Variants in KIF4A observed in about 807,000 individuals in gnomAD.
KIF4A encodes the protein chromosome-associated kinesin KIF4A.
KIF4A carries 7 observed loss-of-function variants against 105.9 expected under a neutral mutation model. The ratio of observed to expected loss-of-function variants is 0.07; its 90% CI spans 0.04 to 0.12. The LOEUF (loss-of-function observed/expected upper bound fraction) is 0.12, where lower values mean the gene tolerates loss of function less well. Ranked by LOEUF, KIF4A falls within the 10% of genes least tolerant of loss-of-function variation. The probability of loss-of-function intolerance (pLI) is 1.00; values close to 1 mark genes in which losing one functional copy is unlikely to be tolerated. For synonymous variants in KIF4A, 281 were observed against 331.3 expected, an observed-to-expected ratio of 0.85 and a Z score of 1.65; for missense variants, 558 against 929.2, an observed-to-expected ratio of 0.60 and a Z score of 5.19.
chrX:70,297,763 C>T (rs183832520), intron 4 of KIF4A, among the ~76,000 whole-genome samples: 43 of 111,630 alleles, frequency 3.9e-4, no homozygotes, highest in African/African-American at 1.2e-3. Context: ...CCAATTGTAT[C>T]TAACTTCATA....
chrX:70,357,986 C>T (rs1408801700), intron 15 of KIF4A, among the ~76,000 whole-genome samples: 2 of 111,339 alleles, frequency 1.8e-5, no homozygotes, highest in Admixed American at 9.5e-5. Context: ...TCACAGCTCA[C>T]TGCAGCCTCA....
rs763436401 is a variant in KIF4A, at chrX:70,408,526, C to T, written c.3255+1451C>T. On this transcript the variant is annotated intron_variant, in intron 28 of 30. Transcript: ENST00000374403. ...CCAACTGTGCCCTGCAGCCACATTC[C>T]ACTTAAAGAGAACAGTTCACAAGTT... Among the ~76,000 whole-genome samples the T allele has an allele frequency of 6.3e-5, 7 of 111,917 alleles. No homozygotes were observed. In the South Asian group the frequency reaches 1.1e-3, roughly 18 times the overall value.
intron 1 of KIF4A, 66 bp from the exon 2 acceptor site, chrX:70,290,366 CGGGGAG>C: frequency 1.8e-6 from 2 of 1,112,444 alleles, no homozygotes; most frequent in Non-Finnish European, 2.4e-6. Flanking sequence ...GGGTCGGAAC[CGGGGAG>C]GACGCCCTCC....
At chrX:70,418,031 C>T (rs11798740) in intron 29 of KIF4A, 27 bp downstream of exon 29, 1 of 1,140,761 alleles carries the variant, frequency 8.8e-7, no homozygotes, top group African/African-American at 1.8e-5. Context: ...TTCCTCTCCC[C>T]TTCCCTTCAG....
chrX:70,320,249 C>T (rs1313730213), intron 7 of KIF4A, among the ~76,000 whole-genome samples: 1 of 111,827 alleles, frequency 8.9e-6, no homozygotes. Flanking sequence ...TCTACAAAGT[C>T]CATGCCCTCA....
At chrX:70,338,504 C>T (rs1054514667) in intron 10 of KIF4A, among the ~76,000 whole-genome samples, 17 of 112,011 alleles carry the variant, frequency 1.5e-4, no homozygotes, top group African/African-American at 5.5e-4. Context: ...CGTAATAGTA[C>T]TCCATTGTCT....
chrX:70,382,762 G>A (rs1241879745), intron 18 of KIF4A, among the ~76,000 whole-genome samples: 1 of 107,148 alleles, frequency 9.3e-6, no homozygotes, highest in African/African-American at 3.4e-5. Context: ...ACCCCACCCT[G>A]GGCAACATAG....
intron 9 of KIF4A, among the ~76,000 whole-genome samples, chrX:70,333,263 T>C (rs1044404435): frequency 9.8e-5 from 10 of 101,930 alleles, no homozygotes; most frequent in African/African-American, 3.7e-4. Flanking sequence ...CACTTGAACC[T>C]GGGAGGCAGA....
intron 22 of KIF4A, among the ~76,000 whole-genome samples, chrX:70,400,554 C>T (rs1441245385): frequency 9.0e-6 from 1 of 111,455 alleles, no homozygotes; most frequent in Admixed American, 9.6e-5. Flanking sequence ...TCTGCATATT[C>T]ATGTGAGGCC....
intron 22 of KIF4A, among the ~76,000 whole-genome samples, chrX:70,401,079 ATTT>A (rs1271801890): frequency 2.7e-5 from 2 of 74,054 alleles, no homozygotes; most frequent in Admixed American, 1.6e-4. Context: ...TAGGTTTATG[ATTT>A]TTTTTTTTTT....
In KIF4A at chrX:70,404,660, TTC is replaced by T. The variant is rs1290535840; in HGVS notation, c.2791-53_2791-52del. The T allele has an allele frequency of 4.6e-6, 4 of 878,001 alleles. No individual in the cohort carries two copies. The African/African-American group carries it at 7.8e-5, about 17-fold the overall frequency. The allele number at this position is 878,001 out of a possible 1,213,427, so 72.4% of individuals were successfully genotyped here. On this transcript the variant is annotated intron_variant, in intron 24 of 30. Coordinates refer to ENST00000374403, the MANE Select transcript of KIF4A (RefSeq NM_012310.5). ...ATCACTGCTTGAACTAAGTCAAAATTTCTTTTTCCCCTTGGTACCTTTGTTAC... is the reference window on the plus strand; with the variant it reads ...ATCACTGCTTGAACTAAGTCAAAATTTTTTTCCCCTTGGTACCTTTGTTAC...
chrX:70,403,823 G>C, intron 23 of KIF4A, 41 bp from the exon 24 acceptor site: 1 of 1,113,528 alleles, frequency 9.0e-7, no homozygotes, highest in Non-Finnish European at 1.2e-6. Flanking sequence ...AAGAAAGGTG[G>C]TCATTCTTCA....
chrX:70,352,974 G>GA (rs1419651462), intron 14 of KIF4A, among the ~76,000 whole-genome samples: 1 of 111,487 alleles, frequency 9.0e-6, no homozygotes, highest in Non-Finnish European at 1.9e-5. Context: ...ATGAGGAGAG[G>GA]AAAAAATGAG....
Position 70,310,348 on chromosome X carries a change from T to TGC in KIF4A, c.778+7951_778+7952dup, listed in dbSNP as rs112267902. ...GTGTGTGTGTGTGTGTGTGTGTGTGTGCCTGGATTCTTTTGCTCAACATAG... is the reference window on the plus strand; with the variant it reads ...GTGTGTGTGTGTGTGTGTGTGTGTGTGCGCCTGGATTCTTTTGCTCAACATAG... On this transcript the variant is annotated intron_variant, in intron 7 of 30. Transcript: ENST00000374403. Among the ~76,000 whole-genome samples, 220 of 107,547 alleles carry TGC rather than the reference T, an allele frequency of 2.0e-3. 2 individuals carry two copies. The highest frequency in any genetic ancestry group is 6.9e-3 in the African/African-American group (197 of 28,750). The allele number at this position is 107,547 out of a possible 115,157, so 93.4% of individuals were successfully genotyped here.
At chrX:70,328,736 T>G (rs1234596266) in intron 7 of KIF4A, among the ~76,000 whole-genome samples, 1 of 111,921 alleles carries the variant, frequency 8.9e-6, no homozygotes, top group Non-Finnish European at 1.9e-5. Context: ...ACTATATAGC[T>G]TTTCCACAGT....
At chrX:70,300,065 A>G (rs2085798813) in intron 5 of KIF4A, among the ~76,000 whole-genome samples, 2 of 111,544 alleles carry the variant, frequency 1.8e-5, no homozygotes, top group African/African-American at 6.5e-5. Flanking sequence ...AACTTGGAAT[A>G]ATATCTTACT....
At position 70,352,670 on chromosome X, in the gene KIF4A, C is replaced by A; in HGVS notation, c.1488+14C>A. 8.7e-7 allele frequency: 1 copy of A among 1,144,569 alleles called. No individual in the cohort carries two copies. Among genetic ancestry groups the A allele is most frequent in the East Asian group, 3.0e-5 (1 of 33,236 alleles). The allele number at this position is 1,144,569 out of a possible 1,213,427, so 94.3% of individuals were successfully genotyped here. A position where few individuals can be genotyped will look rare whatever the true frequency, so the allele number is the denominator to read the frequency against. Reference sequence around the variant, plus strand: ...GAGCAAGAAGCCGTAAGTAATTGGCCCCTTTGTGTAGAACCAGGAGCTCTA... The same window carrying A: ...GAGCAAGAAGCCGTAAGTAATTGGCACCTTTGTGTAGAACCAGGAGCTCTA... On this transcript the variant is annotated intron_variant, in intron 14 of 30. Transcript: ENST00000374403.
In KIF4A at chrX:70,405,918, C is replaced by T; in HGVS notation, c.2976+13C>T. ...AATCATCAAGCAGGTAATACAGTTT[C>T]CCACCCACTTGATAAGCCCTAAGAG... On this transcript the variant is annotated intron_variant, in intron 26 of 30. Coordinates refer to ENST00000374403, the MANE Select transcript of KIF4A (RefSeq NM_012310.5). 8.4e-7 allele frequency: 1 copy of T among 1,183,769 alleles called. No homozygotes were observed. Among genetic ancestry groups the T allele is most frequent in the Non-Finnish European group, 1.1e-6 (1 of 870,239 alleles).
Position 70,352,656 on chromosome X carries a change from C to T in KIF4A, c.1488C>T (p.Ala496=), listed in dbSNP as rs139233441. The T allele has an allele frequency of 1.4e-4, 159 of 1,176,985 alleles. No individual in the cohort carries two copies. Among genetic ancestry groups the T allele is most frequent in the African/African-American group, 1.2e-4 (7 of 56,903 alleles). The change falls in exon 14 of 31, where the codon GCC becomes GCT. Residue 496 remains alanine, a splice_region_variant and synonymous_variant. Transcript: ENST00000374403. ...TTGATACTGCGGTGGAGCAAGAAGC[C>T]GTAAGTAATTGGCCCCTTTGTGTAG... is the stretch of plus-strand genomic sequence containing the variant. ...AAIDTAVEQE[A]QVETSPETSR... is the part of the protein sequence containing the mutation.
Sources: gnomAD v4.1 joint callset for allele counts (sites outside exome capture counted in the v4.1 genomes callset) on GRCh38, gnomAD v4.1.1 for gene constraint, MANE v1.5 for transcripts, NCBI Gene and HGNC (gene_info 2026-07-23, HGNC 2026-07-21) for gene names.